Variants in DCC observed in about 807,000 individuals in gnomAD.
DCC encodes DCC netrin 1 receptor.
DCC carries 58 observed loss-of-function variants against 172.5 expected under a neutral mutation model. The ratio of observed to expected loss-of-function variants is 0.34; its 90% CI spans 0.27 to 0.42. DCC has a LOEUF of 0.42. DCC is among the 10% of genes least tolerant of loss of function. DCC has a pLI of 1.00. For synonymous variants in DCC, 709 were observed against 644.5 expected, an observed-to-expected ratio of 1.10 and a Z score of -1.52; for missense variants, 1,740 against 1,791.0, an observed-to-expected ratio of 0.97 and a Z score of 0.51.
intron 1 of DCC, among the ~76,000 whole-genome samples, chr18:52,408,062 T>C (rs1264275841): frequency 6.6e-6 from 1 of 152,076 alleles, no homozygotes; most frequent in Non-Finnish European, 1.5e-5. Context: ...TATGAGAAAA[T>C]AAATGACAAT....
At chr18:53,405,513 T>C (rs1196895580) in intron 19 of DCC, among the ~76,000 whole-genome samples, 2 of 152,228 alleles carry the variant, frequency 1.3e-5, no homozygotes, top group Non-Finnish European at 2.9e-5. Flanking sequence ...GAATCGGCTA[T>C]TATTATTCCA....
intron 17 of DCC, among the ~76,000 whole-genome samples, chr18:53,394,428 T>A (rs935383869): frequency 6.6e-6 from 1 of 152,212 alleles, no homozygotes; most frequent in African/African-American, 2.4e-5. Context: ...AAATCTATAA[T>A]ACAGATGCTC....
chr18:53,135,391 A>G (rs932431570), intron 7 of DCC, among the ~76,000 whole-genome samples: 1 of 152,214 alleles, frequency 6.6e-6, no homozygotes, highest in Non-Finnish European at 1.5e-5. Context: ...AAGGATAATA[A>G]GGGAAAGAAT....
At chr18:53,361,288 T>G (rs1304826509) in intron 15 of DCC, among the ~76,000 whole-genome samples, 1 of 152,178 alleles carries the variant, frequency 6.6e-6, no homozygotes, top group Non-Finnish European at 1.5e-5. Flanking sequence ...GTTGTTTAAG[T>G]TTGTGTATTT....
intron 2 of DCC, among the ~76,000 whole-genome samples, chr18:52,887,206 A>T (rs1452416016): frequency 6.6e-6 from 1 of 152,172 alleles, no homozygotes; most frequent in East Asian, 1.9e-4. Flanking sequence ...TTGTGCTTTT[A>T]TCTAAATCCT....
At chr18:53,363,546 C>T (rs1042930990) in intron 15 of DCC, among the ~76,000 whole-genome samples, 5 of 152,082 alleles carry the variant, frequency 3.3e-5, no homozygotes, top group African/African-American at 1.2e-4. Context: ...TATAACTCTC[C>T]ATTCTCTCCC....
At chr18:52,607,804 A>G (rs970739116) in intron 1 of DCC, among the ~76,000 whole-genome samples, 7 of 152,208 alleles carry the variant, frequency 4.6e-5, no homozygotes, top group African/African-American at 1.7e-4. Flanking sequence ...AAAATGATGC[A>G]AAAAGCATTA....
chr18:52,757,653 A>G (rs73459710), intron 2 of DCC, among the ~76,000 whole-genome samples: 16,101 of 151,984 alleles, frequency 0.11, 2,834 homozygotes, highest in African/African-American at 0.37. Context: ...TGGATACATT[A>G]TATTGTATTT....
At chr18:52,691,906 T>C (rs1381278017) in intron 1 of DCC, among the ~76,000 whole-genome samples, 1 of 152,174 alleles carries the variant, frequency 6.6e-6, no homozygotes, top group African/African-American at 2.4e-5. Flanking sequence ...TGGCTTTTTA[T>C]ATCAATGACT....
intron 5 of DCC, among the ~76,000 whole-genome samples, chr18:52,937,133 G>A (rs562750427): frequency 1.5e-4 from 23 of 152,178 alleles, no homozygotes; most frequent in African/African-American, 3.6e-4. Context: ...CATTCCACCC[G>A]TGGTATATGA....
In DCC at chr18:52,706,040, G is replaced by A. The variant is rs1204358081; in HGVS notation, c.92-46014G>A. Among the ~76,000 whole-genome samples the A allele has an allele frequency of 2.6e-5, 4 of 152,164 alleles. No homozygotes were observed. In the East Asian group the frequency reaches 7.7e-4, roughly 29 times the overall value. The stretch of plus-strand genomic sequence containing the variant: ...ACTGCTAAATTTTAGGATGCTGACA[G>A]CATTGTAGAAACATGTTGATTAGGC... On this transcript the variant is annotated intron_variant, in intron 1 of 28. Coordinates refer to ENST00000442544, the MANE Select transcript of DCC (RefSeq NM_005215.4).
At chr18:52,906,517 T>C (rs1459507111) in intron 3 of DCC, among the ~76,000 whole-genome samples, 189 bp downstream of exon 3, 1 of 152,128 alleles carries the variant, frequency 6.6e-6, no homozygotes, top group Non-Finnish European at 1.5e-5. Context: ...TTTTTTTTTT[T>C]TTTCATGTCT....
At chr18:52,638,755 G>C (rs1598976946) in intron 1 of DCC, among the ~76,000 whole-genome samples, 1 of 152,052 alleles carries the variant, frequency 6.6e-6, no homozygotes, top group Admixed American at 6.6e-5. Context: ...CACAGTAATA[G>C]TCAGGGACTT....
intron 6 of DCC, 121 bp from the exon 7 acceptor site, chr18:53,065,925 A>G (rs2042559283): frequency 2.5e-6 from 3 of 1,189,548 alleles, no homozygotes; most frequent in African/African-American, 3.0e-5. Context: ...GAGACCCCTC[A>G]TGGCCTCTCC....
intron 5 of DCC, among the ~76,000 whole-genome samples, chr18:53,054,762 A>C (rs909986683): frequency 6.6e-6 from 1 of 152,168 alleles, no homozygotes; most frequent in Non-Finnish European, 1.5e-5. Context: ...AATGTTCTTC[A>C]TTCCCACAGC....
At chr18:52,878,497 G>C (rs1465337994) in intron 2 of DCC, among the ~76,000 whole-genome samples, 2 of 152,032 alleles carry the variant, frequency 1.3e-5, no homozygotes, top group African/African-American at 2.4e-5. Context: ...CTCATATTTA[G>C]CTTATGCACA....
chr18:53,097,511 T>A (rs553682660), intron 7 of DCC, among the ~76,000 whole-genome samples: 19 of 152,342 alleles, frequency 1.2e-4, no homozygotes, highest in African/African-American at 4.1e-4. Flanking sequence ...GGAAGATAGA[T>A]GAGTATAGCA....
intron 24 of DCC, among the ~76,000 whole-genome samples, chr18:53,462,022 G>C (rs2045565468): frequency 6.6e-6 from 1 of 152,180 alleles, no homozygotes; most frequent in Admixed American, 6.5e-5. Context: ...TCCTGAGCAT[G>C]TGAGAGAAGA....
At chr18:53,528,116 G>T (rs767657095) in intron 28 of DCC, among the ~76,000 whole-genome samples, 1 of 152,036 alleles carries the variant, frequency 6.6e-6, no homozygotes, top group Non-Finnish European at 1.5e-5. Flanking sequence ...CAACTACCAG[G>T]TCTTTTATAA....
Sources: allele counts gnomAD v4.1 joint callset (sites outside exome capture counted in the v4.1 genomes callset), GRCh38; gene constraint gnomAD v4.1.1; transcripts MANE v1.5; gene names NCBI Gene and HGNC (gene_info 2026-07-23, HGNC 2026-07-21).